The following NRIP1 variants were observed in gnomAD, a reference collection of about 807,000 sequenced individuals.
The protein encoded by NRIP1 is nuclear receptor interacting protein 1.
A neutral mutation model predicts 75.0 loss-of-function variants in NRIP1; 28 were observed. That is an observed-to-expected ratio of 0.37 (90% CI 0.28 to 0.51). The LOEUF is 0.51. NRIP1 is among the 20% of genes least tolerant of loss of function. The pLI is 0.92. For synonymous variants in NRIP1, 526 were observed against 487.6 expected (o/e 1.08, Z -1.04); for missense variants, 1,435 against 1,343.7 (o/e 1.07, Z -1.06).
chr21:14,966,348 T>C lies in NRIP1; in HGVS notation c.1845A>G (p.Gln615=), dbSNP rs780568640. 2.5e-6 allele frequency: 4 copies of C among 1,614,104 alleles called. No individual in the cohort carries two copies. The highest frequency in any genetic ancestry group is 3.4e-6 in the Non-Finnish European group (4 of 1,179,974). ...TTGCAGAGTTCTGTGCACCTTCATT[T>C]TGGGCTGGTTTCTCTCCTGGTGGGT... is the stretch of plus-strand genomic sequence containing the variant. ...SKDPPGEKPA[Q]NEGAQNSATF... The change falls in exon 4 of 4, where the codon CAA becomes CAG. Residue 615 remains glutamine, a synonymous_variant. Transcript: ENST00000318948.
At chr21:15,064,147 G>A (rs545206200) in intron 1 of NRIP1, among the ~76,000 whole-genome samples, 1 of 152,326 alleles carries the variant, frequency 6.6e-6, no homozygotes, top group Non-Finnish European at 1.5e-5. Flanking sequence ...GCCGGCCCCT[G>A]GCTCCTGGTA....
chr21:14,988,526 T>C (rs1237731945), intron 3 of NRIP1, among the ~76,000 whole-genome samples: 1 of 151,460 alleles, frequency 6.6e-6, no homozygotes, highest in Non-Finnish European at 1.5e-5. Flanking sequence ...TGTATATATA[T>C]ATATATATCC....
intron 3 of NRIP1, among the ~76,000 whole-genome samples, chr21:14,974,602 C>CA (rs1307511344): frequency 6.6e-6 from 1 of 152,024 alleles, no homozygotes; most frequent in East Asian, 1.9e-4. Context: ...TTTGGTGTTC[C>CA]AAAAATCATA....
At chr21:15,037,440 G>A (rs748651494) in intron 2 of NRIP1, among the ~76,000 whole-genome samples, 2 of 152,144 alleles carry the variant, frequency 1.3e-5, no homozygotes, top group Non-Finnish European at 2.9e-5. Context: ...ATCAAGTTGA[G>A]TGCTTTGTAA....
At chr21:15,061,990 T>A (rs979939753) in intron 1 of NRIP1, among the ~76,000 whole-genome samples, 1 of 152,250 alleles carries the variant, frequency 6.6e-6, no homozygotes, top group African/African-American at 2.4e-5. Context: ...CTTTCAGATA[T>A]GCGTTAATTC....
At chr21:15,017,489 C>A (rs2088263655) in intron 2 of NRIP1, among the ~76,000 whole-genome samples, 1 of 152,096 alleles carries the variant, frequency 6.6e-6, no homozygotes, top group South Asian at 2.1e-4. Context: ...GTTTAATGAG[C>A]AATTACTATG....
intron 1 of NRIP1, among the ~76,000 whole-genome samples, chr21:15,060,554 C>A (rs1450047248): frequency 2.0e-5 from 3 of 152,102 alleles, no homozygotes; most frequent in African/African-American, 7.2e-5. Flanking sequence ...TTGTAAAATT[C>A]CAGATCTTAA....
intron 1 of NRIP1, chr21:15,051,272 C>G (rs576941443): frequency 9.6e-4 from 167 of 174,394 alleles, no homozygotes; most frequent in African/African-American, 4.0e-3. Flanking sequence ...ACACAGAACT[C>G]TGTGTGTGTG....
At chr21:15,012,612 C>G (rs952623365) in intron 3 of NRIP1, among the ~76,000 whole-genome samples, 23 of 152,032 alleles carry the variant, frequency 1.5e-4, no homozygotes, top group African/African-American at 5.3e-4. Flanking sequence ...GCTACCACAC[C>G]TGGCTAATAT....
chr21:15,036,677 TA>T (rs541817082), intron 2 of NRIP1, among the ~76,000 whole-genome samples: 11 of 146,804 alleles, frequency 7.5e-5, no homozygotes, highest in Admixed American at 2.7e-4. Context: ...CCTAATCAAA[TA>T]AAAAAAAAAG....
intron 1 of NRIP1, among the ~76,000 whole-genome samples, chr21:15,053,778 A>T (rs1260357936): frequency 6.6e-6 from 1 of 152,214 alleles, no homozygotes; most frequent in Non-Finnish European, 1.5e-5. Flanking sequence ...GAATACACAG[A>T]AATATGAGCC....
chr21:15,036,528 C>A (rs1021886012), intron 2 of NRIP1, among the ~76,000 whole-genome samples: 1 of 151,486 alleles, frequency 6.6e-6, no homozygotes, highest in Non-Finnish European at 1.5e-5. Flanking sequence ...TTTACCATTT[C>A]TTTCTGTGAA....
chr21:14,990,130 T>G (rs1430243577), intron 3 of NRIP1, among the ~76,000 whole-genome samples: 1 of 152,200 alleles, frequency 6.6e-6, no homozygotes, highest in African/African-American at 2.4e-5. Context: ...GTCACGATTC[T>G]AGCGCCACTA....
chr21:14,975,786 C>CT (rs1043127921), intron 3 of NRIP1, among the ~76,000 whole-genome samples: 5 of 151,386 alleles, frequency 3.3e-5, no homozygotes, highest in African/African-American at 1.2e-4. Context: ...TTATTTTAGC[C>CT]TTTTTTTTAA....
chr21:15,039,151 GAGGTGA>G (rs2088896608), intron 2 of NRIP1, among the ~76,000 whole-genome samples: 1 of 152,046 alleles, frequency 6.6e-6, no homozygotes, highest in Non-Finnish European at 1.5e-5. Flanking sequence ...TATACCAAGT[GAGGTGA>G]AGGCTTTTAA....
intron 1 of NRIP1, among the ~76,000 whole-genome samples, chr21:15,055,991 C>T (rs1317146940): frequency 6.6e-6 from 1 of 151,466 alleles, no homozygotes; most frequent in African/African-American, 2.4e-5. Flanking sequence ...AGAGTAAAGA[C>T]AAAACAGAAA....
chr21:14,986,750 T>A (rs1478255493), intron 3 of NRIP1, among the ~76,000 whole-genome samples: 1 of 152,232 alleles, frequency 6.6e-6, no homozygotes, highest in Non-Finnish European at 1.5e-5. Context: ...ATATATTTTA[T>A]TCATTTGAAC....
chr21:14,962,514 C>T lies in NRIP1; in HGVS notation c.*2202G>A, dbSNP rs1453579556. 6 of 152,356 alleles carry T rather than the reference C, an allele frequency of 3.9e-5. No homozygotes were observed. The highest frequency in any genetic ancestry group is 1.4e-4 in the African/African-American group (6 of 41,402). 9.4% of individuals were successfully genotyped at this position (152,356 alleles called of 1,614,324 possible). A position where few individuals can be genotyped will look rare whatever the true frequency, so the allele number is the denominator to read the frequency against. ...ACTCTCTTGTAAAAAGGTCATTTCC[C>T]CCTACCCAAGGGAGAATACCAACAT... On this transcript the variant is annotated 3_prime_UTR_variant, in exon 4 of 4. Coordinates refer to ENST00000318948, the MANE Select transcript of NRIP1 (RefSeq NM_003489.4).
intron 3 of NRIP1, among the ~76,000 whole-genome samples, chr21:14,969,457 C>T (rs913400135): frequency 6.6e-6 from 1 of 152,016 alleles, no homozygotes; most frequent in African/African-American, 2.4e-5. Flanking sequence ...TAAGAAGAGA[C>T]CAAAAAATTT....
Sources: gnomAD v4.1 joint callset for allele counts (sites outside exome capture counted in the v4.1 genomes callset) on GRCh38, gnomAD v4.1.1 for gene constraint, MANE v1.5 for transcripts, NCBI Gene and HGNC (gene_info 2026-07-23, HGNC 2026-07-21) for gene names.